Variants in PTPRD observed in about 807,000 individuals in gnomAD.
The protein encoded by PTPRD is receptor-type tyrosine-protein phosphatase delta.
A neutral mutation model predicts 214.5 loss-of-function variants in PTPRD; 34 were observed. The ratio of observed to expected loss-of-function variants is 0.16; its 90% CI spans 0.12 to 0.21. The LOEUF is 0.21. PTPRD is among the 10% of genes least tolerant of loss of function. The pLI is 1.00. For missense variants in PTPRD, 2,545 were observed against 2,398.7 expected, an observed-to-expected ratio of 1.06 and a Z score of -1.27; for synonymous variants, 1,128 against 845.7, an observed-to-expected ratio of 1.33 and a Z score of -5.79.
intron 11 of PTPRD, among the ~76,000 whole-genome samples, chr9:8,872,660 G>A (rs1291038833): frequency 6.6e-6 from 1 of 152,244 alleles, no homozygotes; most frequent in African/African-American, 2.4e-5. Flanking sequence ...TCTGGTTGAT[G>A]TAAAGTCTGT....
chr9:9,951,568 G>C (rs1222702943), intron 4 of PTPRD, among the ~76,000 whole-genome samples: 1 of 152,210 alleles, frequency 6.6e-6, no homozygotes, highest in African/African-American at 2.4e-5. Flanking sequence ...CAATGTTTCT[G>C]AGTAAAGTTT....
chr9:9,051,437 T>C (rs936610651), intron 10 of PTPRD, among the ~76,000 whole-genome samples: 1 of 152,192 alleles, frequency 6.6e-6, no homozygotes, highest in South Asian at 2.1e-4. Flanking sequence ...TCTACATGCA[T>C]TGATCTAAAT....
chr9:8,743,492 A>T (rs2092372008), intron 11 of PTPRD, among the ~76,000 whole-genome samples: 1 of 152,202 alleles, frequency 6.6e-6, no homozygotes, highest in African/African-American at 2.4e-5. Flanking sequence ...TATCACTGCT[A>T]GCAATAGAGA....
chr9:10,055,460 T>C (rs189381998), intron 3 of PTPRD, among the ~76,000 whole-genome samples: 8 of 152,202 alleles, frequency 5.3e-5, no homozygotes, highest in African/African-American at 1.7e-4. Flanking sequence ...GCTCAGTATA[T>C]AGATAAGGAA....
At chr9:10,409,870 G>T (rs997246375) in intron 2 of PTPRD, among the ~76,000 whole-genome samples, 5 of 151,690 alleles carry the variant, frequency 3.3e-5, no homozygotes, top group Admixed American at 2.6e-4. Context: ...AGCCATCTTG[G>T]AAGCAGATTT....
intron 3 of PTPRD, among the ~76,000 whole-genome samples, chr9:10,142,072 T>G (rs1029208014): frequency 2.6e-5 from 4 of 152,018 alleles, no homozygotes; most frequent in African/African-American, 9.7e-5. Context: ...GCTAGCCATA[T>G]GTAGAAAGCT....
intron 8 of PTPRD, among the ~76,000 whole-genome samples, chr9:9,460,698 A>G (rs2093576677): frequency 6.6e-6 from 1 of 152,150 alleles, no homozygotes; most frequent in African/African-American, 2.4e-5. Flanking sequence ...TGTGGAGAAA[A>G]GGAAACACTT....
At chr9:10,141,270 G>A (rs1336770271) in intron 3 of PTPRD, among the ~76,000 whole-genome samples, 1 of 152,216 alleles carries the variant, frequency 6.6e-6, no homozygotes, top group East Asian at 1.9e-4. Flanking sequence ...GCAGGAGAAG[G>A]AAATAAAGGG....
chr9:9,315,345 G>A (rs1004694611), intron 9 of PTPRD, among the ~76,000 whole-genome samples: 3 of 151,934 alleles, frequency 2.0e-5, no homozygotes, highest in African/African-American at 7.2e-5. Flanking sequence ...ATGTGTGTAT[G>A]TATATACAAC....
At chr9:8,424,046 G>A (rs1345117441) in intron 35 of PTPRD, among the ~76,000 whole-genome samples, 2 of 152,094 alleles carry the variant, frequency 1.3e-5, no homozygotes, top group African/African-American at 4.8e-5. Context: ...AATTAAACAA[G>A]AGCATGAAGC....
chr9:10,600,972 T>C (rs2133352308), intron 2 of PTPRD, among the ~76,000 whole-genome samples: 1 of 151,900 alleles, frequency 6.6e-6, no homozygotes, highest in East Asian at 1.9e-4. Flanking sequence ...AACTAAATTA[T>C]TCAATTTAAA....
At chr9:10,018,440 A>T (rs1389323598) in intron 4 of PTPRD, among the ~76,000 whole-genome samples, 1 of 152,062 alleles carries the variant, frequency 6.6e-6, no homozygotes, top group African/African-American at 2.4e-5. Flanking sequence ...CGTGTGATAC[A>T]AATAGCAGAT....
chr9:8,564,349 TC>T (rs2087939166), intron 14 of PTPRD, among the ~76,000 whole-genome samples: 1 of 152,164 alleles, frequency 6.6e-6, no homozygotes, highest in Admixed American at 6.5e-5. Flanking sequence ...TCATGATGCA[TC>T]TGTATACATA....
chr9:8,735,834 C>T (rs1286780275), intron 11 of PTPRD, among the ~76,000 whole-genome samples: 2 of 151,168 alleles, frequency 1.3e-5, no homozygotes, highest in East Asian at 2.0e-4. Context: ...ATCACTTGAA[C>T]CCAGGAGACA....
At chr9:9,961,805 T>G (rs978310849) in intron 4 of PTPRD, among the ~76,000 whole-genome samples, 1 of 152,062 alleles carries the variant, frequency 6.6e-6, no homozygotes, top group African/African-American at 2.4e-5. Context: ...AATCTAGAAG[T>G]CACAGTCCAT....
intron 3 of PTPRD, among the ~76,000 whole-genome samples, chr9:10,270,487 T>G (rs1350868891): frequency 1.3e-5 from 2 of 152,226 alleles, no homozygotes; most frequent in African/African-American, 4.8e-5. Context: ...AATTTTTATC[T>G]GTCAGAGAGG....
At chr9:8,996,027 A>G (rs956310780) in intron 11 of PTPRD, among the ~76,000 whole-genome samples, 36 of 152,232 alleles carry the variant, frequency 2.4e-4, no homozygotes, top group African/African-American at 7.9e-4. Flanking sequence ...TAGGAATGCT[A>G]TTTTGAAAAA....
chr9:10,371,667 T>A (rs2097622791), intron 2 of PTPRD, among the ~76,000 whole-genome samples: 1 of 152,100 alleles, frequency 6.6e-6, no homozygotes. Context: ...GGAGATCATC[T>A]CAGAACATCT....
chr9:8,567,376 C>A (rs911395901), intron 14 of PTPRD, among the ~76,000 whole-genome samples: 1 of 152,168 alleles, frequency 6.6e-6, no homozygotes, highest in African/African-American at 2.4e-5. Flanking sequence ...TCCCTGACCT[C>A]TTCTCCAATT....
Sources: gnomAD v4.1 joint callset for allele counts (sites outside exome capture counted in the v4.1 genomes callset) on GRCh38, gnomAD v4.1.1 for gene constraint, MANE v1.5 for transcripts, NCBI Gene and HGNC (gene_info 2026-07-23, HGNC 2026-07-21) for gene names.